Variants in OR10J1 observed in about 807,000 individuals in gnomAD.
OR10J1 encodes the protein olfactory receptor 10J1.
For missense variants in OR10J1, 474 were observed against 376.6 expected (o/e 1.26, Z -2.14); for synonymous variants, 202 against 143.8 (o/e 1.40, Z -2.89).
the OR10J1 span, chr1:159,432,067 G>A: frequency 2.5e-6 from 1 of 397,784 alleles, no homozygotes; most frequent in East Asian, 3.6e-5. Context: ...TCTGAATGTT[G>A]AGAGCATCTG....
chr1:159,399,602 A>G, the OR10J1 span, among the ~76,000 whole-genome samples: 1 of 150,884 alleles, frequency 6.6e-6, no homozygotes. Context: ...AAAGAAAGAA[A>G]TGCTGAAGGG....
In OR10J1 at chr1:159,439,757, T is replaced by C; in HGVS notation, c.-35T>C. 6.2e-7 allele frequency: 1 copy of C among 1,612,728 alleles called. No homozygotes were observed. Among genetic ancestry groups the C allele is most frequent in the South Asian group, 1.1e-5 (1 of 91,026 alleles). On this transcript the variant is annotated 5_prime_UTR_variant, in exon 1 of 1. Transcript: ENST00000423932. Reference sequence around the variant, plus strand: ...CTGCTTTACTGGGACTATGTGACTTTTATGCTTTTATGTTTCAGATTTGGG... The same window carrying C: ...CTGCTTTACTGGGACTATGTGACTTCTATGCTTTTATGTTTCAGATTTGGG...
chr1:159,439,860 G>A lies in OR10J1; in HGVS notation c.69G>A (p.Gln23=). Residue 23 remains glutamine (Q), a synonymous_variant, in exon 1 of 1, where the codon CAG becomes CAA. Coordinates refer to ENST00000423932, the MANE Select transcript of OR10J1 (RefSeq NM_012351.3). ...AAGGTTTCTCTAGCTTCCATGAGCA[G>A]CAGATCACCCTTTTTGGCGTGTTCC... The part of the protein sequence containing the change: ...VFQGFSSFHE[Q]QITLFGVFLA... 6.2e-7 allele frequency: 1 copy of A among 1,614,152 alleles called. No homozygotes were observed.
the OR10J1 span, among the ~76,000 whole-genome samples, chr1:159,417,735 G>A: frequency 6.6e-6 from 1 of 152,186 alleles, no homozygotes; most frequent in Non-Finnish European, 1.5e-5. Flanking sequence ...AAGCAACTTT[G>A]GAACTGGGTA....
chr1:159,440,163 G>A lies in OR10J1; in HGVS notation c.372G>A (p.Val124=). The A allele has an allele frequency of 6.2e-7, 1 of 1,614,052 alleles. No homozygotes were observed. The highest frequency in any genetic ancestry group is 1.7e-5 in the Admixed American group (1 of 59,996). ...LLTAMGYDRY[V]AICNPLRYMV... is the part of the protein sequence containing the mutation. ...CAGCAATGGGATATGACCGCTATGT[G>A]GCCATCTGCAACCCCCTGAGATACA... Residue 124 remains valine, a synonymous_variant, in exon 1 of 1, where the codon GTG becomes GTA. Transcript: ENST00000423932.
At chr1:159,405,354 T>G in the OR10J1 span, 1 of 154,554 alleles carries the variant, frequency 6.5e-6, no homozygotes, top group Admixed American at 6.4e-5. Context: ...CTCCCTGGAC[T>G]GTGGAGAATC....
At chr1:159,424,111 G>C in the OR10J1 span, among the ~76,000 whole-genome samples, 1 of 151,830 alleles carries the variant, frequency 6.6e-6, no homozygotes, top group South Asian at 2.1e-4. Flanking sequence ...AGCTACTCAG[G>C]AGGCTGAAGC....
At chr1:159,404,769 G>T in the OR10J1 span, among the ~76,000 whole-genome samples, 441 of 152,224 alleles carry the variant, frequency 2.9e-3, no homozygotes, top group African/African-American at 0.01. Flanking sequence ...AGTTTCGTGT[G>T]CCTGGGCAGA....
chr1:159,409,544 G>A, the OR10J1 span, among the ~76,000 whole-genome samples: 1 of 151,982 alleles, frequency 6.6e-6, no homozygotes, highest in African/African-American at 2.4e-5. Context: ...AGAGATTTTG[G>A]TCATTCATTT....
the OR10J1 span, among the ~76,000 whole-genome samples, chr1:159,422,949 CTGTTCTGTTGAATTCTAG>C: frequency 6.6e-6 from 1 of 152,274 alleles, no homozygotes; most frequent in South Asian, 2.1e-4. Flanking sequence ...CTTCCTATAA[CTGTTCTGTTGAATTCTAG>C]TGTTCTCAAA....
rs1332174034 is a variant in OR10J1 at position 159,440,040 on chromosome 1, C to G, written c.249C>G (p.Ser83=). The stretch of plus-strand genomic sequence containing the variant: ...TGGTCATTCTCCCAAGAATGCTCTC[C>G]AGCCTCGTAGGTATGAGCCAGCCCA... ...YTLVILPRML[S]SLVGMSQPIS... Residue 83 remains serine (S), a synonymous_variant, in exon 1 of 1, where the codon TCC becomes TCG. Coordinates refer to ENST00000423932, the MANE Select transcript of OR10J1 (RefSeq NM_012351.3). 6.2e-7 allele frequency: 1 copy of G among 1,614,150 alleles called. No individual in the cohort carries two copies. The highest frequency in any genetic ancestry group is 8.5e-7 in the Non-Finnish European group (1 of 1,180,020).
the OR10J1 span, among the ~76,000 whole-genome samples, chr1:159,401,127 C>G: frequency 6.6e-6 from 1 of 151,094 alleles, no homozygotes; most frequent in South Asian, 2.1e-4. Context: ...AATTTTTCAG[C>G]TATAAGTGCC....
chr1:159,406,414 G>A, the OR10J1 span: 1 of 388,038 alleles, frequency 2.6e-6, no homozygotes, highest in Non-Finnish European at 5.1e-6. Flanking sequence ...AAAGACAGAG[G>A]TGAGGCTCCA....
upstream of OR10J1, among the ~76,000 whole-genome samples, chr1:159,434,483 A>G (rs1655680041): frequency 1.3e-5 from 2 of 152,264 alleles, no homozygotes; most frequent in East Asian, 3.9e-4. Flanking sequence ...ACAACCCCAA[A>G]GAGGAAAATA....
At chr1:159,430,893 C>T in the OR10J1 span, among the ~76,000 whole-genome samples, 1 of 152,144 alleles carries the variant, frequency 6.6e-6, no homozygotes, top group African/African-American at 2.4e-5. Flanking sequence ...TAGATGAGCA[C>T]ATGGAGACAA....
chr1:159,416,838 A>G, the OR10J1 span, among the ~76,000 whole-genome samples: 27 of 151,850 alleles, frequency 1.8e-4, no homozygotes, highest in Admixed American at 1.8e-3. Context: ...AAATTTATTC[A>G]TTTCCTCTAG....
At chr1:159,402,961 C>T in the OR10J1 span, among the ~76,000 whole-genome samples, 3 of 151,898 alleles carry the variant, frequency 2.0e-5, no homozygotes, top group African/African-American at 7.3e-5. Flanking sequence ...AATCCACACA[C>T]CTACAATGAA....
chr1:159,437,255 G>T (rs1655762633), upstream of OR10J1, among the ~76,000 whole-genome samples: 1 of 152,274 alleles, frequency 6.6e-6, no homozygotes, highest in Admixed American at 6.5e-5. Context: ...AAGATGGTGT[G>T]CTTCCAATCC....
chr1:159,406,977 G>A, the OR10J1 span, among the ~76,000 whole-genome samples: 3 of 152,058 alleles, frequency 2.0e-5, no homozygotes, highest in Admixed American at 6.6e-5. Flanking sequence ...TACAATAGTG[G>A]CCATGTTTTC....
Sources: allele counts gnomAD v4.1 joint callset (sites outside exome capture counted in the v4.1 genomes callset), GRCh38; gene constraint gnomAD v4.1.1; transcripts MANE v1.5; gene names NCBI Gene and HGNC (gene_info 2026-07-23, HGNC 2026-07-21).